EXT2: variants seen among roughly 807,000 people sequenced by gnomAD.
EXT2 encodes exostosin glycosyltransferase 2.
EXT2 carries 53 observed loss-of-function variants against 81.6 expected under a neutral mutation model. That is an observed-to-expected ratio of 0.65 (90% confidence interval 0.52 to 0.82). The LOEUF (loss-of-function observed/expected upper bound fraction) is 0.82. Among genes scored for constraint, EXT2 ranks in the 40% least tolerant of loss-of-function variants. EXT2 has a pLI of 0.00. For missense variants in EXT2, 774 were observed against 910.2 expected, an observed-to-expected ratio of 0.85 and a Z score of 1.93; for synonymous variants, 320 against 340.0, an observed-to-expected ratio of 0.94 and a Z score of 0.65.
intron 1 of EXT2, among the ~76,000 whole-genome samples, chr11:44,101,648 G>T (rs879849155): frequency 6.6e-6 from 1 of 152,218 alleles, no homozygotes; most frequent in East Asian, 1.9e-4. Flanking sequence ...TGCCCAGTGA[G>T]GGGACCTGCA....
rs57261356 is a variant in EXT2, at chr11:44,124,444, T to TACACACACACACAC, written c.744-319_744-306dup. ...CCTTCCAAATTATCAGTTTCTCTCC[T>TACACACACACACAC]ACACACACACACACACACACACACA... On this transcript the variant is annotated intron_variant, in intron 4 of 13. Transcript: ENST00000533608. 7.2e-4 allele frequency among the ~76,000 whole-genome samples: 104 copies of TACACACACACACAC among 145,038 alleles called. 1 individual carries two copies. Among genetic ancestry groups the TACACACACACACAC allele is most frequent in the African/African-American group, 2.5e-3 (96 of 39,028 alleles).
chr11:44,232,521 G>A, intron 11 of EXT2, 25 bp downstream of exon 11: 1 of 1,613,322 alleles, frequency 6.2e-7, no homozygotes, highest in Non-Finnish European at 8.5e-7. Context: ...TCCTGGCAAG[G>A]TGACAAAACT....
At chr11:44,211,296 A>T (rs1955645288) in intron 10 of EXT2, among the ~76,000 whole-genome samples, 1 of 152,254 alleles carries the variant, frequency 6.6e-6, no homozygotes, top group African/African-American at 2.4e-5. Flanking sequence ...AAAGGAATTG[A>T]AATCAGTATA....
chr11:44,120,491 C>T (rs1954299995), intron 4 of EXT2, among the ~76,000 whole-genome samples: 1 of 152,124 alleles, frequency 6.6e-6, no homozygotes, highest in African/African-American at 2.4e-5. Context: ...TCTCCTACCA[C>T]CACCCCTCCC....
At chr11:44,097,182 T>C (rs924298546) in intron 1 of EXT2, among the ~76,000 whole-genome samples, 2 of 152,218 alleles carry the variant, frequency 1.3e-5, no homozygotes, top group African/African-American at 4.8e-5. Context: ...AAGTTAACAC[T>C]ATAAAGTGCT....
intron 13 of EXT2, among the ~76,000 whole-genome samples, chr11:44,237,523 A>G (rs973449724): frequency 2.6e-5 from 4 of 152,272 alleles, no homozygotes; most frequent in African/African-American, 4.8e-5. Context: ...AGAGACCCCA[A>G]TTGAACTTCT....
At chr11:44,176,721 G>C (rs1955163187) in intron 8 of EXT2, among the ~76,000 whole-genome samples, 1 of 152,134 alleles carries the variant, frequency 6.6e-6, no homozygotes, top group African/African-American at 2.4e-5. Flanking sequence ...CTCTTCTCTA[G>C]ATTCCATCAA....
At chr11:44,206,988 A>G (rs773212107) in intron 10 of EXT2, 29 bp downstream of exon 10, 16 of 1,605,654 alleles carry the variant, frequency 1.0e-5, no homozygotes, top group Non-Finnish European at 1.3e-5. Context: ...GTGTGTTTAT[A>G]TGTTTAATAT....
intron 5 of EXT2, among the ~76,000 whole-genome samples, chr11:44,125,912 C>T (rs930538428): frequency 3.3e-5 from 5 of 152,214 alleles, no homozygotes; most frequent in Admixed American, 6.5e-5. Context: ...CCGGGTACCA[C>T]GATGACTTCT....
intron 10 of EXT2, among the ~76,000 whole-genome samples, chr11:44,217,777 A>C (rs1955737509): frequency 6.6e-6 from 1 of 152,136 alleles, no homozygotes; most frequent in Admixed American, 6.5e-5. Context: ...CATCTTTGAG[A>C]GAGACAGTTT....
At chr11:44,130,544 A>T (rs1011813396) in intron 7 of EXT2, among the ~76,000 whole-genome samples, 2 of 152,196 alleles carry the variant, frequency 1.3e-5, no homozygotes, top group Non-Finnish European at 2.9e-5. Flanking sequence ...CAGTTCAGTC[A>T]TCCTTTGTAA....
rs562639286 is a variant in EXT2 at position 44,245,646 on chromosome 11, C to T, written c.*1359C>T. Among the ~76,000 whole-genome samples the T allele has an allele frequency of 2.6e-5, 4 of 152,286 alleles. No homozygotes were observed. The South Asian group carries it at 8.3e-4, about 32-fold the overall frequency. On this transcript the variant is annotated 3_prime_UTR_variant, in exon 14 of 14. Transcript: ENST00000533608. ...ACAGAAACCTAGTTGTTTTGCCAGT[C>T]AGCGTCAGTCATACACCATCCATTG...
At chr11:44,239,109 A>G (rs1459646240) in intron 13 of EXT2, among the ~76,000 whole-genome samples, 1 of 151,766 alleles carries the variant, frequency 6.6e-6, no homozygotes, top group Admixed American at 6.6e-5. Context: ...ATTACAAGAG[A>G]TTTTTTTTTC....
At chr11:44,128,875 T>C (rs1954448581) in intron 6 of EXT2, among the ~76,000 whole-genome samples, 1 of 152,226 alleles carries the variant, frequency 6.6e-6, no homozygotes, top group African/African-American at 2.4e-5. Flanking sequence ...AAGTGCTAAC[T>C]GTGCAAGGCA....
intron 3 of EXT2, among the ~76,000 whole-genome samples, chr11:44,110,933 C>T (rs1022288907): frequency 4.6e-5 from 7 of 152,112 alleles, no homozygotes; most frequent in Admixed American, 4.6e-4. Context: ...CTTAGGTGGC[C>T]TTCTTGTTGG....
intron 7 of EXT2, among the ~76,000 whole-genome samples, chr11:44,163,391 C>A (rs1037421911): frequency 3.3e-5 from 5 of 152,186 alleles, no homozygotes; most frequent in Non-Finnish European, 7.3e-5. Context: ...GACCTTCAGA[C>A]TGTTATGAGG....
chr11:44,213,711 G>T (rs1955680244), intron 10 of EXT2, among the ~76,000 whole-genome samples: 1 of 152,168 alleles, frequency 6.6e-6, no homozygotes, highest in African/African-American at 2.4e-5. Flanking sequence ...GGCGAAAAAT[G>T]AACAGAGCTT....
At chr11:44,222,864 A>G (rs1265281232) in intron 10 of EXT2, among the ~76,000 whole-genome samples, 1 of 152,248 alleles carries the variant, frequency 6.6e-6, no homozygotes, top group Non-Finnish European at 1.5e-5. Context: ...CTTGGAGATA[A>G]TATTTGCAAA....
chr11:44,177,871 G>A (rs1955180902), intron 8 of EXT2, among the ~76,000 whole-genome samples: 1 of 152,104 alleles, frequency 6.6e-6, no homozygotes, highest in Admixed American at 6.5e-5. Flanking sequence ...GAGAAAAATG[G>A]GGAAGCATCT....
Sources: gnomAD v4.1 joint callset for allele counts (sites outside exome capture counted in the v4.1 genomes callset) on GRCh38, gnomAD v4.1.1 for gene constraint, MANE v1.5 for transcripts, NCBI Gene and HGNC (gene_info 2026-07-23, HGNC 2026-07-21) for gene names.